Variants in ENOX1 observed in about 807,000 individuals in gnomAD.
ENOX1 encodes ecto-NOX disulfide-thiol exchanger 1, also known as candidate growth-related and time keeping constitutive hydroquinone (NADH) oxidase.
In ENOX1, 42 loss-of-function variants were observed where a neutral mutation model predicts 82.5. That is an observed-to-expected ratio of 0.51 (90% CI 0.40 to 0.66). ENOX1 has a LOEUF of 0.66. ENOX1 is among the 30% of genes least tolerant of loss of function. The probability of loss-of-function intolerance (pLI) is 0.00; values close to 1 mark genes in which losing one functional copy is unlikely to be tolerated. For missense variants in ENOX1, 608 were observed against 811.6 expected (o/e 0.75, Z 3.05); for synonymous variants, 271 against 282.2 (o/e 0.96, Z 0.40).
chr13:43,453,047 A>G (rs1371240066), intron 3 of ENOX1, among the ~76,000 whole-genome samples: 1 of 152,202 alleles, frequency 6.6e-6, no homozygotes, highest in Admixed American at 6.5e-5. Context: ...TGCAAGTCCA[A>G]GCTGTGCTAT....
chr13:43,260,968 G>T (rs1401362045), intron 14 of ENOX1, among the ~76,000 whole-genome samples: 1 of 152,208 alleles, frequency 6.6e-6, no homozygotes, highest in African/African-American at 2.4e-5. Flanking sequence ...AGGCATGAGC[G>T]TGAACTGCAC....
At position 43,361,378 on chromosome 13, in the gene ENOX1, G is replaced by T. The variant is rs1254288262; in HGVS notation, c.283C>A (p.Pro95Thr). 1 of 1,613,528 alleles carries T rather than the reference G, an allele frequency of 6.2e-7. No homozygotes were observed. The highest frequency in any genetic ancestry group is 1.1e-5 in the South Asian group (1 of 90,854). Reference sequence around the variant, plus strand: ...GGGGGAGGTACCAGTCCAAGGCCTGGTATCATTGGGTTAATGGGGGTGATT... The same window carrying T: ...GGGGGAGGTACCAGTCCAAGGCCTGTTATCATTGGGTTAATGGGGGTGATT... Reference protein sequence around the residue: ...TGITPINPMIPGLGLVPPPPP... With the variant: ...TGITPINPMITGLGLVPPPPP... Residue 95 changes from proline to threonine, a missense_variant, in exon 6 of 17, where the codon CCA becomes ACA. By Grantham distance (38) the Pro-to-Thr change is conservative (BLOSUM62 -1). Transcript: ENST00000690772.
At chr13:43,272,672 C>T (rs773155672) in intron 12 of ENOX1, among the ~76,000 whole-genome samples, 11 of 152,208 alleles carry the variant, frequency 7.2e-5, no homozygotes, top group Non-Finnish European at 1.5e-4. Context: ...TCTCCATTAA[C>T]ATTATCTGTG....
intron 1 of ENOX1, among the ~76,000 whole-genome samples, chr13:43,705,330 C>CTCCATATA (rs141765196): frequency 7.7e-6 from 1 of 129,864 alleles, no homozygotes; most frequent in Non-Finnish European, 1.6e-5. Flanking sequence ...CTCTCTCTCT[C>CTCCATATA]TATATATATA....
At chr13:43,342,931 A>G (rs2049155717) in intron 9 of ENOX1, among the ~76,000 whole-genome samples, 1 of 152,210 alleles carries the variant, frequency 6.6e-6, no homozygotes, top group South Asian at 2.1e-4. Context: ...TGCCTCTTTC[A>G]ATAGTTACTG....
At chr13:43,398,746 G>C (rs1374642495) in intron 5 of ENOX1, among the ~76,000 whole-genome samples, 2 of 150,886 alleles carry the variant, frequency 1.3e-5, no homozygotes, top group Non-Finnish European at 1.5e-5. Context: ...AGACCTTTAT[G>C]ATGATCCACT....
chr13:43,609,179 T>A (rs914278773), intron 2 of ENOX1, among the ~76,000 whole-genome samples: 6 of 152,214 alleles, frequency 3.9e-5, no homozygotes, highest in African/African-American at 1.4e-4. Flanking sequence ...CATAGGTACT[T>A]CTTTATGGTT....
rs2050138591 is a variant in ENOX1, at chr13:43,356,114, C to T, written c.628G>A (p.Asp210Asn). Residue 210 changes from aspartate to asparagine, a missense_variant, in exon 8 of 17, where the codon GAT becomes AAT. Asp to Asn is a conservative substitution (Grantham distance 23). Transcript: ENST00000690772. ...AAGTCCACATGAAGGCGGCCTGAAT[C>T]CTTTTTGTCGGTGCTAGACCCTAAT... ...MRLGSSTDKK[D>N]SGRLHVDFAQ... 6.2e-7 allele frequency: 1 copy of T among 1,614,060 alleles called. No individual in the cohort carries two copies. The highest frequency in any genetic ancestry group is 1.3e-5 in the African/African-American group (1 of 74,928).
intron 5 of ENOX1, among the ~76,000 whole-genome samples, chr13:43,377,557 C>T (rs1173581328): frequency 3.3e-5 from 5 of 152,112 alleles, no homozygotes; most frequent in African/African-American, 1.2e-4. Flanking sequence ...GTGAATTACC[C>T]TCTGAGTAAA....
At chr13:43,427,394 AT>A (rs2055378778) in intron 3 of ENOX1, among the ~76,000 whole-genome samples, 1 of 152,184 alleles carries the variant, frequency 6.6e-6, no homozygotes, top group Non-Finnish European at 1.5e-5. Context: ...ATTCCTTTGG[AT>A]TTTTACCCAA....
chr13:43,641,978 A>T (rs2153767400), intron 2 of ENOX1, among the ~76,000 whole-genome samples: 1 of 152,310 alleles, frequency 6.6e-6, no homozygotes, highest in East Asian at 1.9e-4. Context: ...ACATTTATTG[A>T]CTACTTACTA....
intron 2 of ENOX1, among the ~76,000 whole-genome samples, chr13:43,492,159 A>G (rs1428404927): frequency 6.6e-6 from 1 of 152,200 alleles, no homozygotes; most frequent in Non-Finnish European, 1.5e-5. Flanking sequence ...TTCCAAGACA[A>G]CAGCCAGTAA....
intron 2 of ENOX1, among the ~76,000 whole-genome samples, chr13:43,587,127 A>C (rs1177565871): frequency 6.6e-6 from 1 of 151,934 alleles, no homozygotes; most frequent in East Asian, 1.9e-4. Flanking sequence ...TATCCTGGCC[A>C]CTTCATCTAA....
intron 9 of ENOX1, among the ~76,000 whole-genome samples, chr13:43,342,600 CA>C (rs2049132816): frequency 6.6e-6 from 1 of 152,152 alleles, no homozygotes; most frequent in Non-Finnish European, 1.5e-5. Flanking sequence ...CCAGCCTGCC[CA>C]GGGGGAGTGC....
intron 11 of ENOX1, among the ~76,000 whole-genome samples, chr13:43,302,581 G>A (rs1448886170): frequency 6.6e-6 from 1 of 152,174 alleles, no homozygotes; most frequent in Non-Finnish European, 1.5e-5. Flanking sequence ...AATGACCAAA[G>A]TGACACTAAT....
At chr13:43,704,486 G>A (rs993391165) in intron 1 of ENOX1, among the ~76,000 whole-genome samples, 1 of 152,018 alleles carries the variant, frequency 6.6e-6, no homozygotes, top group African/African-American at 2.4e-5. Context: ...CAACACACTG[G>A]GTAAGATCTA....
intron 2 of ENOX1, among the ~76,000 whole-genome samples, chr13:43,635,492 A>G (rs1472330): frequency 0.71 from 108,387 of 152,120 alleles, 38,841 homozygotes; most frequent in East Asian, 0.95. Context: ...AAAAGAATAA[A>G]TGTATGACTT....
chr13:43,572,877 T>C (rs77835270), intron 2 of ENOX1, among the ~76,000 whole-genome samples: 1,895 of 152,320 alleles, frequency 0.012, 33 homozygotes, highest in African/African-American at 0.043. Flanking sequence ...TTCTTGCCAT[T>C]TTCACATAAA....
intron 11 of ENOX1, among the ~76,000 whole-genome samples, chr13:43,308,797 C>A (rs1189795372): frequency 6.6e-6 from 1 of 152,222 alleles, no homozygotes; most frequent in East Asian, 1.9e-4. Flanking sequence ...ACCTTCTGCT[C>A]TACACCAGCA....
Sources: allele counts gnomAD v4.1 joint callset (sites outside exome capture counted in the v4.1 genomes callset), GRCh38; gene constraint gnomAD v4.1.1; transcripts MANE v1.5; gene names NCBI Gene and HGNC (gene_info 2026-07-23, HGNC 2026-07-21).